PDE4D: variants seen among roughly 807,000 people sequenced by gnomAD.
PDE4D encodes the protein 3',5'-cyclic-AMP phosphodiesterase 4D.
In PDE4D, 24 loss-of-function variants were observed where a neutral mutation model predicts 87.4. The observed-to-expected ratio is 0.27, with a 90% CI of 0.20 to 0.39. The LOEUF is 0.39. Ranked by LOEUF, PDE4D falls within the 10% of genes least tolerant of loss-of-function variation. The probability of loss-of-function intolerance (pLI) is 1.00; values close to 1 mark genes in which losing one functional copy is unlikely to be tolerated. For synonymous variants in PDE4D, 384 were observed against 383.2 expected (o/e 1.00, Z -0.02); for missense variants, 714 against 1,041.0 (o/e 0.69, Z 4.32).
At chr5:59,586,835 T>G (rs1412669983) in intron 1 of PDE4D, 2 of 985,468 alleles carry the variant, frequency 2.0e-6, no homozygotes, top group Non-Finnish European at 2.4e-6. Context: ...AAACTTCAGG[T>G]TGCTTTGCCA....
intron 5 of PDE4D, among the ~76,000 whole-genome samples, chr5:59,092,817 T>A (rs1768978339): frequency 6.6e-6 from 1 of 151,864 alleles, no homozygotes. Context: ...TTGAGTTTTA[T>A]TTATCATCAT....
At chr5:59,181,320 A>G (rs1204198252) in intron 4 of PDE4D, among the ~76,000 whole-genome samples, 1 of 147,456 alleles carries the variant, frequency 6.8e-6, no homozygotes, top group South Asian at 2.1e-4. Flanking sequence ...CCTTGAAGTA[A>G]AAAAAAAAAG....
At chr5:60,025,088 G>GTCCTGC (rs562489634) in intron 2 of PDE4D, among the ~76,000 whole-genome samples, 293 of 152,156 alleles carry the variant, frequency 1.9e-3, no homozygotes, top group African/African-American at 6.7e-3. Context: ...AAGCATTGTT[G>GTCCTGC]AATAATCAAG....
At chr5:60,459,124 G>C (rs145669617) in intron 1 of PDE4D, among the ~76,000 whole-genome samples, 53 of 152,190 alleles carry the variant, frequency 3.5e-4, no homozygotes, top group African/African-American at 1.3e-3. Flanking sequence ...TTAAAAATAA[G>C]CAGGAACAAA....
intron 5 of PDE4D, among the ~76,000 whole-genome samples, chr5:59,093,856 C>A (rs1042455021): frequency 6.6e-6 from 1 of 152,130 alleles, no homozygotes; most frequent in East Asian, 1.9e-4. Context: ...CAGAGGAAAA[C>A]CTCAAGAGGA....
chr5:59,817,551 C>T (rs2152684981), intron 1 of PDE4D, among the ~76,000 whole-genome samples: 1 of 152,274 alleles, frequency 6.6e-6, no homozygotes, highest in Non-Finnish European at 1.5e-5. Context: ...TCATATATTC[C>T]TATCAGCTCA....
chr5:59,340,501 A>G (rs1283702462), intron 1 of PDE4D, among the ~76,000 whole-genome samples: 1 of 152,212 alleles, frequency 6.6e-6, no homozygotes, highest in Admixed American at 6.5e-5. Flanking sequence ...TGAGGTATCC[A>G]TCACCTCAAT....
intron 2 of PDE4D, among the ~76,000 whole-genome samples, chr5:59,991,563 T>C (rs1298140121): frequency 6.6e-6 from 1 of 152,134 alleles, no homozygotes; most frequent in Admixed American, 6.5e-5. Flanking sequence ...TGCTGGTCTT[T>C]AGTCTCCATA....
chr5:59,144,892 G>GCGGC (rs1554080184), intron 5 of PDE4D, among the ~76,000 whole-genome samples: 1 of 69,518 alleles, frequency 1.4e-5, no homozygotes, highest in African/African-American at 5.4e-5. Context: ...GGGTTTAATG[G>GCGGC]GGGGGGGGGG....
At chr5:59,966,161 G>A (rs1581945607) in intron 3 of PDE4D, among the ~76,000 whole-genome samples, 1 of 152,018 alleles carries the variant, frequency 6.6e-6, no homozygotes, top group African/African-American at 2.4e-5. Context: ...GGCAATTATC[G>A]CCAACAGTAA....
chr5:59,411,820 T>G (rs1792735219), intron 1 of PDE4D, among the ~76,000 whole-genome samples: 1 of 152,214 alleles, frequency 6.6e-6, no homozygotes, highest in Non-Finnish European at 1.5e-5. Flanking sequence ...TTTAAAACAT[T>G]TTAAAAAATT....
At chr5:59,407,738 C>G (rs1001871711) in intron 1 of PDE4D, among the ~76,000 whole-genome samples, 2 of 152,280 alleles carry the variant, frequency 1.3e-5, no homozygotes, top group Admixed American at 1.3e-4. Flanking sequence ...TAGCAAAGAA[C>G]TTGGCTACAT....
chr5:59,891,352 T>A (rs1429712276), intron 1 of PDE4D, among the ~76,000 whole-genome samples: 1 of 152,164 alleles, frequency 6.6e-6, no homozygotes, highest in Non-Finnish European at 1.5e-5. Context: ...AAGCTAGAAC[T>A]CTTGTTCTTA....
chr5:60,014,908 G>T (rs1233199926), intron 2 of PDE4D, among the ~76,000 whole-genome samples: 1 of 152,140 alleles, frequency 6.6e-6, no homozygotes, highest in Middle Eastern at 3.2e-3. Context: ...GAAAACAATG[G>T]AATAGAAATC....
At chr5:59,854,302 AT>A (rs200487851) in intron 1 of PDE4D, among the ~76,000 whole-genome samples, 2,660 of 152,038 alleles carry the variant, frequency 0.017, 84 homozygotes, top group African/African-American at 0.061. Flanking sequence ...ATGCCCACCT[AT>A]TAATGTCTTA....
At chr5:59,924,600 G>A (rs1236500260) in intron 3 of PDE4D, among the ~76,000 whole-genome samples, 1 of 148,670 alleles carries the variant, frequency 6.7e-6, no homozygotes, top group Non-Finnish European at 1.5e-5. Context: ...TCTTATTCTA[G>A]AATAGTATAT....
intron 1 of PDE4D, among the ~76,000 whole-genome samples, chr5:59,271,579 G>C (rs1247475193): frequency 6.6e-6 from 1 of 152,048 alleles, no homozygotes; most frequent in Non-Finnish European, 1.5e-5. Flanking sequence ...GCCAAAATAA[G>C]AATGCTAAGC....
chr5:59,697,651 T>G (rs1033661784), intron 1 of PDE4D, among the ~76,000 whole-genome samples: 2 of 152,224 alleles, frequency 1.3e-5, no homozygotes, highest in Non-Finnish European at 2.9e-5. Flanking sequence ...ACACAGGTTG[T>G]GAGCCAAGAT....
intron 1 of PDE4D, among the ~76,000 whole-genome samples, chr5:60,275,733 A>G (rs1192274618): frequency 6.6e-6 from 1 of 151,806 alleles, no homozygotes; most frequent in Non-Finnish European, 1.5e-5. Flanking sequence ...TAGGTTATTG[A>G]TGGAGTCTTT....
Sources: gnomAD v4.1 joint callset for allele counts (sites outside exome capture counted in the v4.1 genomes callset) on GRCh38, gnomAD v4.1.1 for gene constraint, MANE v1.5 for transcripts, NCBI Gene and HGNC (gene_info 2026-07-23, HGNC 2026-07-21) for gene names.